The following DLG2 variants were observed in gnomAD, a reference collection of about 807,000 sequenced individuals.
DLG2 encodes the protein discs large MAGUK scaffold protein 2, also known as disks large homolog 2.
DLG2 carries 45 observed loss-of-function variants against 132.5 expected under a neutral mutation model. The observed-to-expected ratio is 0.34, with a 90% CI of 0.27 to 0.44. DLG2 has a LOEUF of 0.44. DLG2 is among the 20% of genes least tolerant of loss of function. The pLI is 1.00. For synonymous variants in DLG2, 424 were observed against 419.6 expected (o/e 1.01, Z -0.13); for missense variants, 1,045 against 1,196.9 (o/e 0.87, Z 1.87).
At chr11:84,452,607 A>G (rs2099054699) in intron 7 of DLG2, among the ~76,000 whole-genome samples, 1 of 151,786 alleles carries the variant, frequency 6.6e-6, no homozygotes, top group African/African-American at 2.4e-5. Context: ...TTGAAGGTAG[A>G]TCCAACAGAT....
intron 6 of DLG2, chr11:84,955,768 C>G (rs972887989): frequency 6.6e-6 from 1 of 152,160 alleles, no homozygotes; most frequent in Non-Finnish European, 1.5e-5. Context: ...TGGTCATCTT[C>G]CAGCACTCTA....
chr11:85,316,215 G>A (rs915320139), intron 3 of DLG2, among the ~76,000 whole-genome samples: 2 of 151,826 alleles, frequency 1.3e-5, no homozygotes, highest in African/African-American at 4.8e-5. Flanking sequence ...TTTCTTATTA[G>A]CTGAAACTTT....
At chr11:85,234,327 AG>A (rs982544132) in intron 4 of DLG2, among the ~76,000 whole-genome samples, 2 of 151,958 alleles carry the variant, frequency 1.3e-5, no homozygotes, top group Non-Finnish European at 2.9e-5. Context: ...CAAAACATAA[AG>A]GCACTCTGTA....
At chr11:85,099,488 A>T (rs775342393) in intron 6 of DLG2, among the ~76,000 whole-genome samples, 1 of 152,338 alleles carries the variant, frequency 6.6e-6, no homozygotes, top group South Asian at 2.1e-4. Context: ...TACAAAAAAC[A>T]TAAAGAATAA....
At chr11:84,656,693 C>A (rs772680292) in intron 6 of DLG2, among the ~76,000 whole-genome samples, 33 of 152,092 alleles carry the variant, frequency 2.2e-4, no homozygotes, top group Admixed American at 4.6e-4. Flanking sequence ...AATCTCCATC[C>A]TAGCACTCAC....
intron 6 of DLG2, among the ~76,000 whole-genome samples, chr11:84,639,534 G>A (rs2099650761): frequency 6.6e-6 from 1 of 152,076 alleles, no homozygotes. Flanking sequence ...ATTGTATGAA[G>A]GAACACTAGA....
intron 12 of DLG2, among the ~76,000 whole-genome samples, chr11:83,967,558 C>A (rs1472833393): frequency 1.3e-5 from 2 of 152,020 alleles, no homozygotes; most frequent in Non-Finnish European, 2.9e-5. Flanking sequence ...TATTCATGTC[C>A]TCTGTGCATT....
intron 18 of DLG2, among the ~76,000 whole-genome samples, chr11:83,758,460 T>G (rs1036907986): frequency 3.9e-5 from 6 of 152,218 alleles, no homozygotes; most frequent in Admixed American, 3.3e-4. Context: ...TATTCTCTAG[T>G]CACATTTATC....
chr11:85,470,685 G>T (rs2092957807), intron 3 of DLG2, among the ~76,000 whole-genome samples: 1 of 151,692 alleles, frequency 6.6e-6, no homozygotes, highest in African/African-American at 2.4e-5. Flanking sequence ...CCAAAATCAT[G>T]CCACAGCACT....
chr11:85,245,016 G>A (rs1476521037), intron 4 of DLG2, among the ~76,000 whole-genome samples: 1 of 151,840 alleles, frequency 6.6e-6, no homozygotes, highest in African/African-American at 2.4e-5. Context: ...GAGTTAGGTG[G>A]AATTATGCTT....
intron 6 of DLG2, among the ~76,000 whole-genome samples, chr11:84,917,300 G>A (rs2092529027): frequency 6.6e-6 from 1 of 152,126 alleles, no homozygotes; most frequent in African/African-American, 2.4e-5. Flanking sequence ...GGAATGGCAA[G>A]GTCATGCTAT....
intron 6 of DLG2, among the ~76,000 whole-genome samples, chr11:84,942,525 T>A (rs1012327209): frequency 6.6e-6 from 1 of 152,218 alleles, no homozygotes; most frequent in Non-Finnish European, 1.5e-5. Context: ...GCATATTTAA[T>A]ACTTCCCAAA....
At chr11:84,110,002 C>G (rs1320043762) in intron 9 of DLG2, among the ~76,000 whole-genome samples, 1 of 152,186 alleles carries the variant, frequency 6.6e-6, no homozygotes, top group African/African-American at 2.4e-5. Context: ...CCATCACTCT[C>G]TAGTTTAGAA....
intron 7 of DLG2, among the ~76,000 whole-genome samples, chr11:84,364,016 CT>C (rs2098666908): frequency 1.3e-5 from 2 of 152,014 alleles, no homozygotes; most frequent in Non-Finnish European, 2.9e-5. Context: ...TCCATATGAA[CT>C]TTAAAGAAGT....
intron 19 of DLG2, among the ~76,000 whole-genome samples, chr11:83,583,498 T>A (rs1043129761): frequency 6.6e-6 from 1 of 152,342 alleles, no homozygotes; most frequent in South Asian, 2.1e-4. Context: ...TGGGGCCTGG[T>A]ATTAATTCTT....
chr11:84,601,972 A>G (rs551269810), intron 6 of DLG2, among the ~76,000 whole-genome samples: 1 of 152,156 alleles, frequency 6.6e-6, no homozygotes, highest in South Asian at 2.1e-4. Flanking sequence ...CTTTTGTTAA[A>G]AGAGTAGCAT....
intron 7 of DLG2, among the ~76,000 whole-genome samples, chr11:84,533,588 G>A (rs544395816): frequency 2.6e-4 from 40 of 152,148 alleles, no homozygotes; most frequent in Admixed American, 2.0e-3. Context: ...AATTTGAAAC[G>A]TAAGGTTAAG....
chr11:84,159,594 G>A (rs1392335092), intron 9 of DLG2, among the ~76,000 whole-genome samples: 1 of 152,100 alleles, frequency 6.6e-6, no homozygotes, highest in Non-Finnish European at 1.5e-5. Context: ...GTTGGAGAGA[G>A]GAGCAGGTGT....
intron 4 of DLG2, among the ~76,000 whole-genome samples, chr11:85,169,216 CTT>C (rs1181466841): frequency 6.6e-6 from 1 of 151,914 alleles, no homozygotes; most frequent in Non-Finnish European, 1.5e-5. Flanking sequence ...TTTTTATTGT[CTT>C]TTAATATTTT....
Sources: gnomAD v4.1 joint callset for allele counts (sites outside exome capture counted in the v4.1 genomes callset) on GRCh38, gnomAD v4.1.1 for gene constraint, MANE v1.5 for transcripts, NCBI Gene and HGNC (gene_info 2026-07-23, HGNC 2026-07-21) for gene names.